PCDHA10: variants seen among roughly 807,000 people sequenced by gnomAD.
PCDHA10 encodes the protein protocadherin alpha 10, also known as protocadherin alpha-10.
In PCDHA10, 45 loss-of-function variants were observed where a neutral mutation model predicts 61.2. The observed-to-expected ratio is 0.74, with a 90% CI of 0.58 to 0.94. The LOEUF (loss-of-function observed/expected upper bound fraction) is 0.94, where lower values mean the gene tolerates loss of function less well. Among genes scored for constraint, PCDHA10 ranks in the 40% least tolerant of loss-of-function variants. The probability of loss-of-function intolerance (pLI) is 0.00; values close to 1 mark genes in which losing one functional copy is unlikely to be tolerated. For missense variants in PCDHA10, 1,278 were observed against 1,236.2 expected (o/e 1.03, Z -0.51); for synonymous variants, 602 against 548.8 (o/e 1.10, Z -1.35).
At chr5:140,994,036 A>G (rs1176195849) in intron 3 of PCDHA10, among the ~76,000 whole-genome samples, 1 of 152,210 alleles carries the variant, frequency 6.6e-6, no homozygotes, top group African/African-American at 2.4e-5. Flanking sequence ...AATATTAAAT[A>G]TAACACAGTC....
intron 1 of PCDHA10, chr5:140,967,430 T>C (rs1554229552): frequency 1.2e-6 from 2 of 1,613,482 alleles, no homozygotes; most frequent in East Asian, 4.5e-5. Context: ...GCAGGCAGCC[T>C]TGCACCACCT....
At chr5:140,871,408 A>C (rs1053262394) in intron 1 of PCDHA10, 2 of 1,613,986 alleles carry the variant, frequency 1.2e-6, no homozygotes, top group African/African-American at 2.7e-5. Flanking sequence ...GACGGACCTC[A>C]TGGCCTTCAG....
At chr5:140,872,131 A>G (rs2053496652) in intron 1 of PCDHA10, among the ~76,000 whole-genome samples, 1 of 152,148 alleles carries the variant, frequency 6.6e-6, no homozygotes, top group African/African-American at 2.4e-5. Context: ...TATCAAAGCT[A>G]GAATACTCCA....
intron 1 of PCDHA10, among the ~76,000 whole-genome samples, chr5:140,965,342 G>T (rs2095891598): frequency 6.6e-6 from 1 of 152,130 alleles, no homozygotes; most frequent in South Asian, 2.1e-4. Context: ...TTGTCTCTGT[G>T]TTGCCTCTAT....
chr5:140,966,486 C>G (rs1563351032), intron 1 of PCDHA10: 1 of 432,846 alleles, frequency 2.3e-6, no homozygotes. Context: ...CTTTTCCCTC[C>G]CCCTGGAGCT....
intron 1 of PCDHA10, among the ~76,000 whole-genome samples, chr5:140,897,064 CTT>C (rs1313385579): frequency 3.3e-5 from 5 of 152,042 alleles, no homozygotes; most frequent in Non-Finnish European, 4.4e-5. Flanking sequence ...AATACTATGT[CTT>C]ATTCATTTTT....
At chr5:140,871,205 T>C (rs1554165267) in intron 1 of PCDHA10, 3 of 1,613,774 alleles carry the variant, frequency 1.9e-6, no homozygotes, top group Admixed American at 3.3e-5. Flanking sequence ...TACCTGATCA[T>C]CGCCATCTGC....
chr5:140,965,664 A>G (rs931573016), intron 1 of PCDHA10, among the ~76,000 whole-genome samples: 2 of 152,254 alleles, frequency 1.3e-5, no homozygotes, highest in Non-Finnish European at 2.9e-5. Flanking sequence ...GTCTTGGGTG[A>G]TAAATGTAAA....
At chr5:140,918,846 C>T (rs1261805257) in intron 1 of PCDHA10, among the ~76,000 whole-genome samples, 1 of 152,140 alleles carries the variant, frequency 6.6e-6, no homozygotes, top group African/African-American at 2.4e-5. Flanking sequence ...ACTAAATCTG[C>T]TGGTGCCTGA....
At chr5:140,940,498 C>T (rs185491489) in intron 1 of PCDHA10, among the ~76,000 whole-genome samples, 7 of 151,984 alleles carry the variant, frequency 4.6e-5, no homozygotes, top group Non-Finnish European at 8.8e-5. Flanking sequence ...AGTCTTGCTC[C>T]GTCGCTCAGG....
chr5:140,939,269 A>G (rs1167199684), intron 1 of PCDHA10, among the ~76,000 whole-genome samples: 1 of 152,070 alleles, frequency 6.6e-6, no homozygotes, highest in Non-Finnish European at 1.5e-5. Flanking sequence ...CTTTTATGAG[A>G]GCTGTGCCCT....
At chr5:140,892,758 A>G (rs936927643) in intron 1 of PCDHA10, among the ~76,000 whole-genome samples, 2 of 152,210 alleles carry the variant, frequency 1.3e-5, no homozygotes, top group Non-Finnish European at 2.9e-5. Flanking sequence ...AACATTTAAA[A>G]TCCACTCTTC....
intron 1 of PCDHA10, chr5:140,877,781 T>C: frequency 6.2e-7 from 1 of 1,614,178 alleles, no homozygotes; most frequent in South Asian, 1.1e-5. Flanking sequence ...ACGGACCTCA[T>C]GGCCTTCAGC....
chr5:140,883,162 C>T, intron 1 of PCDHA10: 2 of 1,613,808 alleles, frequency 1.2e-6, no homozygotes, highest in Non-Finnish European at 1.7e-6. Flanking sequence ...TAAATCCGAA[C>T]AATGGAGAAA....
intron 3 of PCDHA10, among the ~76,000 whole-genome samples, chr5:141,001,290 G>A (rs2098005878): frequency 6.6e-6 from 1 of 152,100 alleles, no homozygotes; most frequent in Non-Finnish European, 1.5e-5. Flanking sequence ...GATGAAAACT[G>A]AGGCCCAGAG....
At position 140,856,684 on chromosome 5, in the gene PCDHA10, A is replaced by G. The variant is rs1554148977; in HGVS notation, c.636A>G (p.Thr212=). ...ATCCTCAGCTAAAGTTGTTGTTGAC[A>G]GCAACTGATGGAGGCAAACCTGAAT... ...EENPQLKLLL[T]ATDGGKPEFT... Residue 212 remains threonine (T), a synonymous_variant, in exon 1 of 4, where the codon ACA becomes ACG. Transcript: ENST00000307360. 1.3e-6 allele frequency: 2 copies of G among 1,597,646 alleles called. No individual in the cohort carries two copies. Among genetic ancestry groups the G allele is most frequent in the Admixed American group, 1.7e-5 (1 of 59,236 alleles).
At chr5:140,962,224 A>C (rs2095665980) in intron 1 of PCDHA10, among the ~76,000 whole-genome samples, 1 of 152,152 alleles carries the variant, frequency 6.6e-6, no homozygotes. Flanking sequence ...TTGAGGTTCA[A>C]GTTTCACTTA....
intron 3 of PCDHA10, among the ~76,000 whole-genome samples, chr5:141,000,955 T>G (rs1237087024): frequency 6.6e-6 from 1 of 152,210 alleles, no homozygotes; most frequent in Non-Finnish European, 1.5e-5. Flanking sequence ...CTTGCTGTAA[T>G]TTAAGCCTTC....
intron 3 of PCDHA10, among the ~76,000 whole-genome samples, chr5:141,006,816 G>C (rs1554260932): frequency 6.6e-6 from 1 of 152,082 alleles, no homozygotes; most frequent in African/African-American, 2.4e-5. Flanking sequence ...TGAGAAATGG[G>C]GTAAATGGGG....
Sources: gnomAD v4.1 joint callset for allele counts (sites outside exome capture counted in the v4.1 genomes callset) on GRCh38, gnomAD v4.1.1 for gene constraint, MANE v1.5 for transcripts, NCBI Gene and HGNC (gene_info 2026-07-23, HGNC 2026-07-21) for gene names.